Variants in KDM4A observed in about 807,000 individuals in gnomAD.
KDM4A encodes the protein lysine-specific demethylase 4A.
A neutral mutation model predicts 127.1 loss-of-function variants in KDM4A; 23 were observed. That is an observed-to-expected ratio of 0.18 (90% CI 0.13 to 0.26). KDM4A has a LOEUF of 0.26. Among genes scored for constraint, KDM4A ranks in the 10% least tolerant of loss-of-function variants. KDM4A has a pLI of 1.00. For synonymous variants in KDM4A, 443 were observed against 466.5 expected (o/e 0.95, Z 0.65); for missense variants, 890 against 1,329.1 (o/e 0.67, Z 5.14).
rs145535361 is a variant in KDM4A at position 43,682,189 on chromosome 1, C to T, written c.1735-1495C>T. Among the ~76,000 whole-genome samples, 3 of 152,338 alleles carry T rather than the reference C, an allele frequency of 2.0e-5. No homozygotes were observed. In the East Asian group the frequency reaches 5.8e-4, roughly 29 times the overall value. On this transcript the variant is annotated intron_variant, in intron 11 of 21. Transcript: ENST00000372396. ...TGTTATCTGGGCTCAAGGGATCCGC[C>T]TACCTCAGCCTCCCAAAGTGCTGGG...
rs1262156595 is a variant in KDM4A, at chr1:43,666,049, A to G, written c.673+304A>G. ...AATGTTAAAGAAAAAATTGAACTTT[A>G]TGCTTTGTTTCTTTTAAGTGGACTT... On this transcript the variant is annotated intron_variant, in intron 6 of 21. Coordinates refer to ENST00000372396, the MANE Select transcript of KDM4A (RefSeq NM_014663.3). Among the ~76,000 whole-genome samples, 5 of 152,230 alleles carry G rather than the reference A, an allele frequency of 3.3e-5. No individual in the cohort carries two copies. In the East Asian group the frequency reaches 5.8e-4, roughly 18 times the overall value.
chr1:43,653,772 T>A (rs1182257336), intron 2 of KDM4A: 1 of 152,420 alleles, frequency 6.6e-6, no homozygotes, highest in Admixed American at 6.5e-5. Context: ...AATTTGAAAT[T>A]GGTTTCTGGT....
intron 5 of KDM4A, among the ~76,000 whole-genome samples, chr1:43,664,033 A>C (rs1324671770): frequency 6.6e-6 from 1 of 152,166 alleles, no homozygotes; most frequent in African/African-American, 2.4e-5. Context: ...AGGAGGTAGA[A>C]AGTGTGAGAG....
Position 43,669,205 on chromosome 1 carries a change from G to A in KDM4A, c.1269G>A (p.Glu423=). 6.2e-7 allele frequency: 1 copy of A among 1,614,216 alleles called. No individual in the cohort carries two copies. Reference sequence around the variant, plus strand: ...TCCCCAAGGAGGATCTGAGTTCTGAGCAGTATGAGATGACGGAGTGCCCGG... The same window carrying A: ...TCCCCAAGGAGGATCTGAGTTCTGAACAGTATGAGATGACGGAGTGCCCGG... ...ELFPKEDLSS[E]QYEMTECPAA... Residue 423 remains glutamate, a synonymous_variant, in exon 10 of 22, where the codon GAG becomes GAA. Coordinates refer to ENST00000372396, the MANE Select transcript of KDM4A (RefSeq NM_014663.3).
At chr1:43,685,040 G>C (rs1041226183) in intron 12 of KDM4A, among the ~76,000 whole-genome samples, 4 of 152,146 alleles carry the variant, frequency 2.6e-5, no homozygotes, top group African/African-American at 9.7e-5. Context: ...TGTAGACTTA[G>C]GAGTTGGCAC....
intron 14 of KDM4A, 94 bp from the exon 15 acceptor site, chr1:43,691,402 T>C (rs753425367): frequency 1.1e-4 from 112 of 1,029,346 alleles, no homozygotes; most frequent in Non-Finnish European, 1.7e-4. Context: ...GATTTGGTTG[T>C]AGCTTTGGGA....
intron 11 of KDM4A, among the ~76,000 whole-genome samples, chr1:43,675,325 G>C (rs1660716674): frequency 1.3e-5 from 2 of 152,214 alleles, no homozygotes; most frequent in African/African-American, 2.4e-5. Context: ...GTCTAGGATA[G>C]ATAGGTAAGA....
chr1:43,681,147 A>C (rs1358059607), intron 11 of KDM4A, among the ~76,000 whole-genome samples: 1 of 152,102 alleles, frequency 6.6e-6, no homozygotes, highest in Non-Finnish European at 1.5e-5. Context: ...TATCTCAAAA[A>C]ACAGTCCTCA....
chr1:43,671,380 A>G (rs1345104165), intron 10 of KDM4A, 125 bp from the exon 11 acceptor site: 3 of 1,035,032 alleles, frequency 2.9e-6, no homozygotes, highest in Non-Finnish European at 4.1e-6. Context: ...CCTCAGTGAC[A>G]GAGCCAGGAT....
intron 11 of KDM4A, among the ~76,000 whole-genome samples, chr1:43,682,770 G>A (rs1279894303): frequency 2.0e-5 from 3 of 152,160 alleles, no homozygotes; most frequent in African/African-American, 7.2e-5. Flanking sequence ...CTGTGTAGTT[G>A]CACATGGAGT....
chr1:43,684,955 TGAG>T (rs749779129), intron 12 of KDM4A, among the ~76,000 whole-genome samples: 8 of 152,110 alleles, frequency 5.3e-5, no homozygotes, highest in Non-Finnish European at 1.0e-4. Flanking sequence ...GGATGGTAGT[TGAG>T]GAGGATGAGT....
chr1:43,700,926 A>ATTT (rs60244309), intron 19 of KDM4A, among the ~76,000 whole-genome samples: 3 of 143,100 alleles, frequency 2.1e-5, no homozygotes, highest in Non-Finnish European at 3.1e-5. Flanking sequence ...TATAAATTTA[A>ATTT]TTTTTTTTTT....
intron 11 of KDM4A, among the ~76,000 whole-genome samples, chr1:43,678,941 G>GT (rs904051843): frequency 2.6e-5 from 4 of 152,106 alleles, no homozygotes; most frequent in African/African-American, 9.7e-5. Context: ...TGTTTTAACA[G>GT]TTTTTTTAGT....
intron 2 of KDM4A, among the ~76,000 whole-genome samples, 198 bp from the exon 3 acceptor site, chr1:43,655,393 A>G (rs965990527): frequency 3.3e-5 from 5 of 152,224 alleles, no homozygotes; most frequent in African/African-American, 9.6e-5. Flanking sequence ...GGTTGCTGCA[A>G]TTAGGCAGCT....
rs60794144 is a variant in KDM4A at position 43,689,199 on chromosome 1, C to T, written c.2037+104C>T. 19,144 of 1,132,392 alleles carry T rather than the reference C, an allele frequency of 0.017. 2,238 individuals are homozygous for T. In the African/African-American group the frequency reaches 0.26, roughly 15 times the overall value. 70.1% of individuals were successfully genotyped at this position (1,132,392 alleles called of 1,614,324 possible). On this transcript the variant is annotated intron_variant, in intron 13 of 21. Transcript: ENST00000372396. ...TGTCACTGGTTGTCTTGGGAAAGGC[C>T]ACCTCCACCCCCAGCATTCTCTGCC...
At chr1:43,657,301 C>G (rs1250010234) in intron 3 of KDM4A, among the ~76,000 whole-genome samples, 1 of 152,024 alleles carries the variant, frequency 6.6e-6, no homozygotes, top group African/African-American at 2.4e-5. Context: ...CTCCTGGGTT[C>G]AAGCAATTCT....
intron 18 of KDM4A, among the ~76,000 whole-genome samples, chr1:43,696,403 A>G (rs1661239423): frequency 6.6e-6 from 1 of 152,256 alleles, no homozygotes; most frequent in African/African-American, 2.4e-5. Flanking sequence ...AGAACGTGAT[A>G]GATGGCCAGC....
rs894713678 is a variant in KDM4A at position 43,669,407 on chromosome 1, C to T, written c.1363+108C>T. 44 of 1,094,872 alleles carry T rather than the reference C, an allele frequency of 4.0e-5. No individual in the cohort carries two copies. The African/African-American group carries it at 4.6e-4, about 11-fold the overall frequency. The allele number at this position is 1,094,872 out of a possible 1,614,324, so 67.8% of individuals were successfully genotyped here. ...AAATAAAAAAGGCAGAGTGACAGGT[C>T]CGTGAGCAGATAGCATACTTGGAGT... On this transcript the variant is annotated intron_variant, in intron 10 of 21. Coordinates refer to ENST00000372396, the MANE Select transcript of KDM4A (RefSeq NM_014663.3).
In KDM4A at chr1:43,690,827, C is replaced by A. The variant is rs769163704; in HGVS notation, c.2038-18C>A. 6.2e-7 allele frequency: 1 copy of A among 1,612,854 alleles called. No homozygotes were observed. Among genetic ancestry groups the A allele is most frequent in the Non-Finnish European group, 8.5e-7 (1 of 1,178,798 alleles). ...AGGCACGTGCTCACTGAGGTGTACA[C>A]TTGTTCTTTCCCCTTAGGTTGAATT... On this transcript the variant is annotated intron_variant, in intron 13 of 21. Transcript: ENST00000372396.
Sources: allele counts gnomAD v4.1 joint callset (sites outside exome capture counted in the v4.1 genomes callset), GRCh38; gene constraint gnomAD v4.1.1; transcripts MANE v1.5; gene names NCBI Gene and HGNC (gene_info 2026-07-23, HGNC 2026-07-21).